Variants in UBQLN3 observed in about 807,000 individuals in gnomAD.
The protein encoded by UBQLN3 is ubiquilin 3.
In UBQLN3, 1 loss-of-function variant was observed where a neutral mutation model predicts 2.9. The ratio of observed to expected loss-of-function variants is 0.35; its 90% confidence interval spans 0.12 to 1.66. UBQLN3 has a LOEUF of 1.66. UBQLN3 is among the 40% of genes most tolerant of loss of function. The pLI is 0.35. For synonymous variants in UBQLN3, 358 were observed against 317.6 expected (o/e 1.13, Z -1.35); for missense variants, 924 against 816.5 (o/e 1.13, Z -1.61).
chr11:5,508,305 C>T lies in UBQLN3; in HGVS notation c.1254G>A (p.Glu418=). The T allele has an allele frequency of 6.2e-7, 1 of 1,612,400 alleles. No homozygotes were observed. The highest frequency in any genetic ancestry group is 8.5e-7 in the Non-Finnish European group (1 of 1,178,742). ...SCPAFLRYPT[E]NSTGQGGDQD... Reference sequence around the variant, plus strand: ...GGTCTCCACCTTGTCCAGTACTGTTCTCTGTGGGGTATCTCAGGAAAGCTG... The same window carrying T: ...GGTCTCCACCTTGTCCAGTACTGTTTTCTGTGGGGTATCTCAGGAAAGCTG... The change falls in exon 2 of 2, where the codon GAG becomes GAA. Residue 418 remains glutamate (E), a synonymous_variant. Coordinates refer to ENST00000311659, the MANE Select transcript of UBQLN3 (RefSeq NM_017481.4). This position sits in a 1 kb window ranked among gnomAD's most constrained non-coding sequence, Gnocchi z 4.2.
Position 5,509,951 on chromosome 11 carries a change from G to A in UBQLN3, c.-114C>T, listed in dbSNP as rs550282567. ...ATCTTGCTACACAGCCACCCCTGAG[G>A]CCTTCTGGGCCAGAACCCGCACTAT... On this transcript the variant is annotated 5_prime_UTR_variant, in exon 1 of 2. Coordinates refer to ENST00000311659, the MANE Select transcript of UBQLN3 (RefSeq NM_017481.4). 1.0e-3 allele frequency: 189 copies of A among 181,780 alleles called. No homozygotes were observed. The highest frequency in any genetic ancestry group is 5.0e-3 in the South Asian group (38 of 7,664). The allele number at this position is 181,780 out of a possible 1,614,324, so 11.3% of individuals were successfully genotyped here.
Position 5,508,873 on chromosome 11 carries a change from A to G in UBQLN3, c.686T>C (p.Met229Thr). 1.2e-6 allele frequency: 2 copies of G among 1,614,170 alleles called. No individual in the cohort carries two copies. Among genetic ancestry groups the G allele is most frequent in the Admixed American group, 1.7e-5 (1 of 60,020 alleles). Reference sequence around the variant, plus strand: ...CTGGCTACGTATCATCTCCTGCATCATGGCAGGGTTACGTAAAAACTCCAG... The same window carrying G: ...CTGGCTACGTATCATCTCCTGCATCGTGGCAGGGTTACGTAAAAACTCCAG... The part of the protein sequence containing the change: ...QTLEFLRNPA[M>T]MQEMIRSQDR... Residue 229 changes from methionine (M) to threonine (T), a missense_variant, in exon 2 of 2, where the codon ATG becomes ACG. Physicochemically the swap from Met to Thr is moderately conservative, Grantham distance 81 (BLOSUM62 -1). Transcript: ENST00000311659. This position sits in a 1 kb window ranked among gnomAD's most constrained non-coding sequence, Gnocchi z 4.2.
chr11:5,507,524 G>T lies in UBQLN3; in HGVS notation c.*67C>A. 1 of 1,517,378 alleles carries T rather than the reference G, an allele frequency of 6.6e-7. No homozygotes were observed. The highest frequency in any genetic ancestry group is 1.3e-5 in the South Asian group (1 of 74,810). 94.0% of individuals were successfully genotyped at this position (1,517,378 alleles called of 1,614,324 possible). ...AATGCAGCTGTATTCAAAAATGGGA[G>T]AGCTAGGGAACTAGGATATGGGAAA... On this transcript the variant is annotated 3_prime_UTR_variant, in exon 2 of 2. Coordinates refer to ENST00000311659, the MANE Select transcript of UBQLN3 (RefSeq NM_017481.4).
Position 5,509,862 on chromosome 11 carries a change from G to T in UBQLN3, c.-37+12C>A. 1 of 356,198 alleles carries T rather than the reference G, an allele frequency of 2.8e-6. No individual in the cohort carries two copies. The highest frequency in any genetic ancestry group is 3.5e-5 in the South Asian group (1 of 28,458). 22.1% of individuals were successfully genotyped at this position (356,198 alleles called of 1,614,324 possible). Reference sequence around the variant, plus strand: ...AAAGGTAGAAGGAAGGGCCCAGCTGGGGTGTACATACCAGTCAGCTGTGGT... The same window carrying T: ...AAAGGTAGAAGGAAGGGCCCAGCTGTGGTGTACATACCAGTCAGCTGTGGT... On this transcript the variant is annotated intron_variant, in intron 1 of 1. Transcript: ENST00000311659.
In UBQLN3 at chr11:5,507,911, C is replaced by T. The variant is rs12574255; in HGVS notation, c.1648G>A (p.Ala550Thr). The T allele has an allele frequency of 1.9e-6, 3 of 1,613,830 alleles. No individual in the cohort carries two copies. The highest frequency in any genetic ancestry group is 2.2e-5 in the South Asian group (2 of 91,086). ...CCTCCTGCCACACTACCCGTCCCTG[C>T]TAGGCAAGGCATGAACCAGAGTAGG... Reference protein sequence around the residue: ...RLLLWFMPCLAGTGSVAGGIE... With the variant: ...RLLLWFMPCLTGTGSVAGGIE... The change falls in exon 2 of 2, where the codon GCA (alanine) becomes ACA (threonine). Residue 550 changes from alanine to threonine, a missense_variant. Coordinates refer to ENST00000311659, the MANE Select transcript of UBQLN3 (RefSeq NM_017481.4).
chr11:5,508,502 G>A lies in UBQLN3; in HGVS notation c.1057C>T (p.Pro353Ser), dbSNP rs775669809. ...TGTAGATAAGTTCCTAGGGACTGGG[G>A]GTTCTCGTGTAATTGCTGGAGATAG... ...YDYLQQLHENPQSLGTYLQGT... is the reference protein window; with the variant it reads ...YDYLQQLHENSQSLGTYLQGT... The change falls in exon 2 of 2, where the codon CCC (proline) becomes TCC (serine). Residue 353 changes from proline to serine, a missense_variant. By Grantham distance (74) the Pro-to-Ser change is moderately conservative (BLOSUM62 -1). Coordinates refer to ENST00000311659, the MANE Select transcript of UBQLN3 (RefSeq NM_017481.4). The surrounding 1 kb of genome is among the most constrained non-coding windows in gnomAD (Gnocchi z 4.2). 1.9e-6 allele frequency: 3 copies of A among 1,613,986 alleles called. No individual in the cohort carries two copies. The highest frequency in any genetic ancestry group is 1.3e-5 in the African/African-American group (1 of 74,900).
intron 1 of UBQLN3, 108 bp from the exon 2 acceptor site, chr11:5,509,702 G>C: frequency 7.3e-7 from 1 of 1,365,592 alleles, no homozygotes. Context: ...AAATCTGCAG[G>C]GTCTACATGA....
Position 5,508,885 on chromosome 11 carries a change from C to A in UBQLN3, c.674G>T (p.Arg225Leu). 2 of 1,614,186 alleles carry A rather than the reference C, an allele frequency of 1.2e-6. No individual in the cohort carries two copies. Among genetic ancestry groups the A allele is most frequent in the Non-Finnish European group, 1.7e-6 (2 of 1,180,040 alleles). Residue 225 changes from arginine to leucine, a missense_variant, in exon 2 of 2, where the codon CGT (arginine) becomes CTT (leucine). Coordinates refer to ENST00000311659, the MANE Select transcript of UBQLN3 (RefSeq NM_017481.4). The surrounding 1 kb of genome is among the most constrained non-coding windows in gnomAD (Gnocchi z 4.2). ...CATCTCCTGCATCATGGCAGGGTTA[C>A]GTAAAAACTCCAGTGTCTGCCGCAT... ...EIMRQTLEFL[R>L]NPAMMQEMIR...
chr11:5,507,644 T>C lies in UBQLN3; in HGVS notation c.1915A>G (p.Ile639Val). The C allele has an allele frequency of 6.2e-7, 1 of 1,613,818 alleles. No individual in the cohort carries two copies. The highest frequency in any genetic ancestry group is 2.2e-5 in the East Asian group (1 of 44,878). The change falls in exon 2 of 2, where the codon ATT (isoleucine) becomes GTT (valine). Residue 639 changes from isoleucine (I) to valine (V), a missense_variant. Coordinates refer to ENST00000311659, the MANE Select transcript of UBQLN3 (RefSeq NM_017481.4). ...GCATCCACGTCGCCCCCCGTAGCAA[T>C]GAGGGCCTGAAGATTGGCTTCACGA... ...LNREANLQALIATGGDVDAAV... is the reference protein window; with the variant it reads ...LNREANLQALVATGGDVDAAV...
chr11:5,508,338 G>C lies in UBQLN3; in HGVS notation c.1221C>G (p.Ser407=). The change falls in exon 2 of 2, where the codon TCC becomes TCG. Residue 407 remains serine, a synonymous_variant. Coordinates refer to ENST00000311659, the MANE Select transcript of UBQLN3 (RefSeq NM_017481.4). The surrounding 1 kb of genome is among the most constrained non-coding windows in gnomAD (Gnocchi z 4.2). The stretch of plus-strand genomic sequence containing the variant: ...GGTATCTCAGGAAAGCTGGGCAGGA[G>C]GACCTTCCCTTGATTGCTACTGACT... ...PEESVAIKGR[S]SCPAFLRYPT... 1.2e-6 allele frequency: 2 copies of C among 1,608,846 alleles called. No homozygotes were observed. Among genetic ancestry groups the C allele is most frequent in the Non-Finnish European group, 1.7e-6 (2 of 1,176,462 alleles).
In UBQLN3 at chr11:5,509,115, A is replaced by C. The variant is rs1846434151; in HGVS notation, c.444T>G (p.Arg148=). The C allele has an allele frequency of 6.2e-7, 1 of 1,614,066 alleles. No individual in the cohort carries two copies. The highest frequency in any genetic ancestry group is 8.5e-7 in the Non-Finnish European group (1 of 1,180,034). Residue 148 remains arginine (R), a synonymous_variant, in exon 2 of 2, where the codon CGT becomes CGG. Transcript: ENST00000311659. ...TGLSRLGLAY[R]GFPDQPSSLM... is the part of the protein sequence containing the mutation. The stretch of plus-strand genomic sequence containing the variant: ...GGGAGCTTGGCTGGTCAGGGAAGCC[A>C]CGATAGGCCAAGCCCAGCCTACTGA...
At position 5,507,969 on chromosome 11, in the gene UBQLN3, A is replaced by G. The variant is rs113580970; in HGVS notation, c.1590T>C (p.Gly530=). ...GTGCTTCAGTAGCTAGGACCTGTAG[A>G]CCCTGCTCAATCTGCCGCAGGGCTT... is the stretch of plus-strand genomic sequence containing the variant. ...ALQALRQIEQ[G]LQVLATEAPR... The change falls in exon 2 of 2, where the codon GGT becomes GGC. Residue 530 remains glycine, a synonymous_variant. Transcript: ENST00000311659. 12 of 1,613,916 alleles carry G rather than the reference A, an allele frequency of 7.4e-6. No homozygotes were observed. Among genetic ancestry groups the G allele is most frequent in the African/African-American group, 1.3e-5 (1 of 75,030 alleles).
Position 5,507,636 on chromosome 11 carries a change from CG to C in UBQLN3, c.1922del (p.Thr641ArgfsTer12). 1.2e-6 allele frequency: 2 copies of C among 1,613,582 alleles called. No homozygotes were observed. Among genetic ancestry groups the C allele is most frequent in the Non-Finnish European group, 1.7e-6 (2 of 1,179,656 alleles). ...REANLQALIATGGDVDAAVEK... is the reference protein window; with the variant it reads ...REANLQALIAXGGDVDAAVEK... The stretch of plus-strand genomic sequence containing the variant: ...CCACAGCAGCATCCACGTCGCCCCC[CG>C]TAGCAATGAGGGCCTGAAGATTGGC... On this transcript the variant is annotated frameshift_variant, in exon 2 of 2. Coordinates refer to ENST00000311659, the MANE Select transcript of UBQLN3 (RefSeq NM_017481.4). LOFTEE classifies it high-confidence loss of function.
rs375771381 is a variant in UBQLN3 at position 5,509,076 on chromosome 11, A to G, written c.483T>C (p.His161=). The change falls in exon 2 of 2, where the codon CAT becomes CAC. Residue 161 remains histidine, a synonymous_variant. Coordinates refer to ENST00000311659, the MANE Select transcript of UBQLN3 (RefSeq NM_017481.4). The part of the protein sequence containing the change: ...PDQPSSLMRQ[H]VSVPEFVTQL... Reference sequence around the variant, plus strand: ...GAGTCACAAACTCAGGCACAGACACATGCTGCCGCATCAGGGAGCTTGGCT... The same window carrying G: ...GAGTCACAAACTCAGGCACAGACACGTGCTGCCGCATCAGGGAGCTTGGCT... 5 of 1,614,178 alleles carry G rather than the reference A, an allele frequency of 3.1e-6. No homozygotes were observed. The highest frequency in any genetic ancestry group is 4.2e-6 in the Non-Finnish European group (5 of 1,180,020).
chr11:5,509,516 G>C lies in UBQLN3; in HGVS notation c.43C>G (p.Pro15Ala), dbSNP rs781654760. The change falls in exon 2 of 2, where the codon CCA (proline) becomes GCA (alanine). Residue 15 changes from proline (P) to alanine (A), a missense_variant. Physicochemically the swap from Pro to Ala is conservative, Grantham distance 27. Transcript: ENST00000311659. ...TTGATGAGGTGGGGATCCTGGACTG[G>C]TGCTGGGCTGCCCTGTGGCAGGGCT... is the stretch of plus-strand genomic sequence containing the variant. ...GEALPQGSPA[P>A]VQDPHLIKVT... 6.2e-7 allele frequency: 1 copy of C among 1,614,214 alleles called. No individual in the cohort carries two copies. The highest frequency in any genetic ancestry group is 2.2e-5 in the East Asian group (1 of 44,882).
rs1846447149 is a variant in UBQLN3 at position 5,509,863 on chromosome 11, G to A, written c.-37+11C>T. On this transcript the variant is annotated intron_variant, in intron 1 of 1. Coordinates refer to ENST00000311659, the MANE Select transcript of UBQLN3 (RefSeq NM_017481.4). ...AAGGTAGAAGGAAGGGCCCAGCTGG[G>A]GTGTACATACCAGTCAGCTGTGGTC... 1 of 352,502 alleles carries A rather than the reference G, an allele frequency of 2.8e-6. No homozygotes were observed. The highest frequency in any genetic ancestry group is 5.2e-6 in the Non-Finnish European group (1 of 192,100). The allele number at this position is 352,502 out of a possible 1,614,324, so 21.8% of individuals were successfully genotyped here.
rs201541429 is a variant in UBQLN3, at chr11:5,508,714, G to A, written c.845C>T (p.Thr282Ile). The A allele has an allele frequency of 3.6e-5, 58 of 1,614,002 alleles. No homozygotes were observed. The East Asian group carries it at 5.6e-4, about 16-fold the overall frequency. The change falls in exon 2 of 2, where the codon ACT becomes ATT. Residue 282 changes from threonine to isoleucine, a missense_variant. Coordinates refer to ENST00000311659, the MANE Select transcript of UBQLN3 (RefSeq NM_017481.4). The surrounding 1 kb of genome is among the most constrained non-coding windows in gnomAD (Gnocchi z 4.2). ...GGTGGTGGTGGTGGCATTATCAGTAGTGGCAGTGGCAAAGGGATTGCCGCC... is the reference window on the plus strand; with the variant it reads ...GGTGGTGGTGGTGGCATTATCAGTAATGGCAGTGGCAAAGGGATTGCCGCC... ...QFGGNPFATATTDNATTTTSQ... is the reference protein window; with the variant it reads ...QFGGNPFATAITDNATTTTSQ...
chr11:5,508,216 A>T lies in UBQLN3; in HGVS notation c.1343T>A (p.Leu448Gln). 6.2e-7 allele frequency: 1 copy of T among 1,614,210 alleles called. No individual in the cohort carries two copies. The highest frequency in any genetic ancestry group is 8.5e-7 in the Non-Finnish European group (1 of 1,180,038). Residue 448 changes from leucine to glutamine, a missense_variant, in exon 2 of 2, where the codon CTG becomes CAG. By Grantham distance (113) the Leu-to-Gln change is moderately radical. Coordinates refer to ENST00000311659, the MANE Select transcript of UBQLN3 (RefSeq NM_017481.4). The surrounding 1 kb of genome is among the most constrained non-coding windows in gnomAD (Gnocchi z 4.2). ...STNLPDLVSG[L>Q]GDSANRVPFA... ...TGGAACCCTGTTGGCAGAATCTCCC[A>T]GCCCCGAGACAAGATCAGGCAAGTT...
At position 5,508,899 on chromosome 11, in the gene UBQLN3, T is replaced by C. The variant is rs1252717479; in HGVS notation, c.660A>G (p.Thr220=). 6.2e-7 allele frequency: 1 copy of C among 1,614,206 alleles called. No homozygotes were observed. Among genetic ancestry groups the C allele is most frequent in the Non-Finnish European group, 8.5e-7 (1 of 1,180,022 alleles). The change falls in exon 2 of 2, where the codon ACA becomes ACG. Residue 220 remains threonine, a synonymous_variant. Coordinates refer to ENST00000311659, the MANE Select transcript of UBQLN3 (RefSeq NM_017481.4). This position sits in a 1 kb window ranked among gnomAD's most constrained non-coding sequence, Gnocchi z 4.2. ...ILNNPEIMRQ[T]LEFLRNPAMM... ...TGGCAGGGTTACGTAAAAACTCCAG[T>C]GTCTGCCGCATAATTTCCGGGTTGT...
Sources: gnomAD v4.1 joint callset for allele counts on GRCh38, gnomAD v4.1.1 for gene constraint, Gnocchi (gnomAD v3.1) non-coding constraint, MANE v1.5 for transcripts, NCBI Gene and HGNC (gene_info 2026-07-23, HGNC 2026-07-21) for gene names.